VCPIP1: variants seen among roughly 807,000 people sequenced by gnomAD.
VCPIP1 encodes the protein valosin containing protein interacting protein 1, also known as deubiquitinating protein VCPIP1.
A neutral mutation model predicts 85.0 loss-of-function variants in VCPIP1; 8 were observed. That is an observed-to-expected ratio of 0.09 (90% CI 0.06 to 0.17). VCPIP1 has a LOEUF of 0.17. Ranked by LOEUF, VCPIP1 falls within the 10% of genes least tolerant of loss-of-function variation. VCPIP1 has a pLI of 1.00. For missense variants in VCPIP1, 1,070 were observed against 1,486.3 expected (o/e 0.72, Z 4.61); for synonymous variants, 543 against 544.5 (o/e 1.00, Z 0.04).
chr8:66,634,698 G>A lies in VCPIP1; in HGVS notation c.3472C>T (p.Pro1158Ser). The change falls in exon 3 of 3, where the codon CCT (proline) becomes TCT (serine). Residue 1158 changes from proline to serine, a missense_variant. Pro to Ser is a moderately conservative substitution (Grantham distance 74). Transcript: ENST00000310421. Reference protein sequence around the residue: ...AKSGSLQTGLPESFPLTGGTE... With the variant: ...AKSGSLQTGLSESFPLTGGTE... ...CCACCAGTTAAAGGAAAAGATTCAGGCAAACCAGTCTGAAGACTCCCAGAC... is the reference window on the plus strand; with the variant it reads ...CCACCAGTTAAAGGAAAAGATTCAGACAAACCAGTCTGAAGACTCCCAGAC... 1 of 1,614,108 alleles carries A rather than the reference G, an allele frequency of 6.2e-7. No homozygotes were observed. The highest frequency in any genetic ancestry group is 8.5e-7 in the Non-Finnish European group (1 of 1,180,010).
chr8:66,665,574 A>G lies in VCPIP1; in HGVS notation c.1385T>C (p.Met462Thr), dbSNP rs1391626260. ...CAAACATTTGTGAAGGCGATTATCC[A>G]TTACTGCTTTTTTAGCAGCTGCTGT... Reference protein sequence around the residue: ...EVTAAAKKAVMDNRLHKCLLC... With the variant: ...EVTAAAKKAVTDNRLHKCLLC... The change falls in exon 1 of 3, where the codon ATG becomes ACG. Residue 462 changes from methionine (M) to threonine (T), a missense_variant. Physicochemically the swap from Met to Thr is moderately conservative, Grantham distance 81. Transcript: ENST00000310421. The surrounding 1 kb of genome is among the most constrained non-coding windows in gnomAD (Gnocchi z 4.3). The G allele has an allele frequency of 1.9e-6, 3 of 1,614,186 alleles. No homozygotes were observed. The African/African-American group carries it at 4.0e-5, about 22-fold the overall frequency.
At chr8:66,640,859 A>G (rs1334038956) in intron 2 of VCPIP1, among the ~76,000 whole-genome samples, 1 of 152,018 alleles carries the variant, frequency 6.6e-6, no homozygotes, top group Non-Finnish European at 1.5e-5. Flanking sequence ...CCACCCTTCA[A>G]TTTGTTCGTG....
intron 2 of VCPIP1, among the ~76,000 whole-genome samples, chr8:66,644,295 A>G (rs1810973763): frequency 6.6e-6 from 1 of 152,222 alleles, no homozygotes; most frequent in Non-Finnish European, 1.5e-5. Flanking sequence ...AGAAAACTAG[A>G]TAATTATCCT....
At chr8:66,663,286 T>C (rs1230136021) in intron 1 of VCPIP1, among the ~76,000 whole-genome samples, 1 of 152,142 alleles carries the variant, frequency 6.6e-6, no homozygotes. Context: ...GTATTCATTT[T>C]GATAGATTAA....
At chr8:66,656,822 C>A (rs1319861211) in intron 1 of VCPIP1, among the ~76,000 whole-genome samples, 1 of 151,910 alleles carries the variant, frequency 6.6e-6, no homozygotes, top group Non-Finnish European at 1.5e-5. Context: ...GTTGGCCAGG[C>A]TGGTCTTGAA....
Position 66,664,269 on chromosome 8 carries a change from C to A in VCPIP1, c.2690G>T (p.Cys897Phe). 6.3e-7 allele frequency: 1 copy of A among 1,583,196 alleles called. No homozygotes were observed. Among genetic ancestry groups the A allele is most frequent in the Non-Finnish European group, 8.6e-7 (1 of 1,161,620 alleles). Reference sequence around the variant, plus strand: ...CTTACCCATTAATGTTGCTAAAAGACACAAGGAGTACATTTCTTTTTCAGC... The same window carrying A: ...CTTACCCATTAATGTTGCTAAAAGAAACAAGGAGTACATTTCTTTTTCAGC... ...EQAEKEMYSL[C>F]LLATLMGEDV... Residue 897 changes from cysteine to phenylalanine, a missense_variant, in exon 1 of 3, where the codon TGT becomes TTT. Physicochemically the swap from Cys to Phe is radical, Grantham distance 205. Coordinates refer to ENST00000310421, the MANE Select transcript of VCPIP1 (RefSeq NM_025054.5).
chr8:66,666,069 T>C lies in VCPIP1; in HGVS notation c.890A>G (p.Asn297Ser), dbSNP rs1196513549. ...CAGAATAATAGGACGATGTAGCACA[T>C]TGGCAAGACCAAATATGTGGATATT... ...LRNIHIFGLA[N>S]VLHRPIILLD... The change falls in exon 1 of 3, where the codon AAT becomes AGT. Residue 297 changes from asparagine to serine, a missense_variant. Physicochemically the swap from Asn to Ser is conservative, Grantham distance 46 (BLOSUM62 1). Coordinates refer to ENST00000310421, the MANE Select transcript of VCPIP1 (RefSeq NM_025054.5). The surrounding 1 kb of genome is among the most constrained non-coding windows in gnomAD (Gnocchi z 6.3). 6.2e-7 allele frequency: 1 copy of C among 1,614,132 alleles called. No homozygotes were observed. The highest frequency in any genetic ancestry group is 8.5e-7 in the Non-Finnish European group (1 of 1,180,042).
intron 2 of VCPIP1, among the ~76,000 whole-genome samples, chr8:66,638,970 C>CTATATATATATATATATATATATATATA (rs1554584185): frequency 8.4e-6 from 1 of 118,414 alleles, no homozygotes; most frequent in Admixed American, 8.6e-5. Flanking sequence ...CTCTCTCTCT[C>CTATATATATATATATATATATATATATA]TATATATATA....
chr8:66,657,844 T>C (rs1203825420), intron 1 of VCPIP1, among the ~76,000 whole-genome samples: 1 of 152,240 alleles, frequency 6.6e-6, no homozygotes, highest in African/African-American at 2.4e-5. Flanking sequence ...CTAGATTTCC[T>C]TTTCTATCTA....
rs1295335694 is a variant in VCPIP1, at chr8:66,635,049, G to A, written c.3121C>T (p.Leu1041Phe). The A allele has an allele frequency of 6.2e-7, 1 of 1,613,862 alleles. No individual in the cohort carries two copies. Among genetic ancestry groups the A allele is most frequent in the African/African-American group, 1.3e-5 (1 of 74,906 alleles). The change falls in exon 3 of 3, where the codon CTT (leucine) becomes TTT (phenylalanine). Residue 1041 changes from leucine to phenylalanine, a missense_variant. Leu to Phe is a conservative substitution (Grantham distance 22). Around this residue, in one of 8 missense-constraint regions of VCPIP1, gnomAD observed 255 missense variants for 289.5 expected, o/e 0.88. Transcript: ENST00000310421. ...SLGTASGNPH[L>F]DPRARETSVV... ...GAAGTTTCCCTAGCTCTTGGATCAA[G>A]GTGTGGGTTACCAGATGCAGTTCCT...
In VCPIP1 at chr8:66,634,887, T is replaced by C. The variant is rs1810869077; in HGVS notation, c.3283A>G (p.Arg1095Gly). 1 of 1,613,986 alleles carries C rather than the reference T, an allele frequency of 6.2e-7. No homozygotes were observed. Among genetic ancestry groups the C allele is most frequent in the Non-Finnish European group, 8.5e-7 (1 of 1,180,008 alleles). Residue 1095 changes from arginine to glycine, a missense_variant, in exon 3 of 3, where the codon AGG (arginine) becomes GGG (glycine). Physicochemically the swap from Arg to Gly is moderately radical, Grantham distance 125 (BLOSUM62 -2). This residue lies in a region of VCPIP1 where 255 missense variants were observed against 289.5 expected (regional missense o/e 0.88). Transcript: ENST00000310421. ...TCAACCAAATCAGGATCAAGCTGCC[T>C]GCCGTCTCTCATTGTTACTACTCCA... ...APGVVTMRDG[R>G]QLDPDLVEAQ...
intron 1 of VCPIP1, among the ~76,000 whole-genome samples, chr8:66,653,866 T>A (rs1206030015): frequency 6.6e-6 from 1 of 152,168 alleles, no homozygotes; most frequent in African/African-American, 2.4e-5. Context: ...TACATCTTAG[T>A]TTTATATATT....
intron 2 of VCPIP1, among the ~76,000 whole-genome samples, chr8:66,649,294 C>G (rs555663078): frequency 1.8e-4 from 27 of 151,804 alleles, no homozygotes; most frequent in Admixed American, 1.4e-3. Flanking sequence ...GAGGATTGCT[C>G]GAGCTCAAGA....
chr8:66,656,872 G>C (rs1335567766), intron 1 of VCPIP1, among the ~76,000 whole-genome samples: 11 of 141,814 alleles, frequency 7.8e-5, no homozygotes, highest in Non-Finnish European at 1.5e-4. Flanking sequence ...GCCTACCAAA[G>C]TAGGCCTGGG....
Position 66,666,826 on chromosome 8 carries a change from G to A in VCPIP1, c.133C>T (p.Leu45Phe), listed in dbSNP as rs768978996. The stretch of plus-strand genomic sequence containing the variant: ...TTCGGATCCGGGCAGCTCCCGGAAA[G>A]GATTCTCCGGTCTCTCCGCTTCAAA... Reference protein sequence around the residue: ...GLLKRRDRRILSGSCPDPKCQ... With the variant: ...GLLKRRDRRIFSGSCPDPKCQ... The change falls in exon 1 of 3, where the codon CTT becomes TTT. Residue 45 changes from leucine to phenylalanine, a missense_variant. Leu to Phe is a conservative substitution (Grantham distance 22). Coordinates refer to ENST00000310421, the MANE Select transcript of VCPIP1 (RefSeq NM_025054.5). This position sits in a 1 kb window ranked among gnomAD's most constrained non-coding sequence, Gnocchi z 6.3. The A allele has an allele frequency of 7.4e-6, 12 of 1,613,778 alleles. No homozygotes were observed. The highest frequency in any genetic ancestry group is 1.0e-5 in the Non-Finnish European group (12 of 1,180,014).
At chr8:66,638,937 T>C (rs1490172263) in intron 2 of VCPIP1, among the ~76,000 whole-genome samples, 1 of 117,894 alleles carries the variant, frequency 8.5e-6, no homozygotes, top group African/African-American at 3.8e-5. Flanking sequence ...AAGAAAACTT[T>C]CTCTCTCTCT....
chr8:66,658,861 T>C (rs1278152171), intron 1 of VCPIP1, among the ~76,000 whole-genome samples: 1 of 152,116 alleles, frequency 6.6e-6, no homozygotes, highest in Non-Finnish European at 1.5e-5. Context: ...ATTTTAAATA[T>C]ATATATACGT....
Position 66,665,978 on chromosome 8 carries a change from G to T in VCPIP1, c.981C>A (p.Ile327=). 1.2e-6 allele frequency: 2 copies of T among 1,614,180 alleles called. No homozygotes were observed. Among genetic ancestry groups the T allele is most frequent in the Non-Finnish European group, 1.7e-6 (2 of 1,180,030 alleles). ...DYSATFLPGL[I]PAEKCTGKDG... is the part of the protein sequence containing the mutation. Reference sequence around the variant, plus strand: ...CTTTCCCAGTGCACTTCTCTGCAGGGATGAGCCCAGGTAGAAAGGTGGCTG... The same window carrying T: ...CTTTCCCAGTGCACTTCTCTGCAGGTATGAGCCCAGGTAGAAAGGTGGCTG... The change falls in exon 1 of 3, where the codon ATC becomes ATA. Residue 327 remains isoleucine, a synonymous_variant. Coordinates refer to ENST00000310421, the MANE Select transcript of VCPIP1 (RefSeq NM_025054.5). This position sits in a 1 kb window ranked among gnomAD's most constrained non-coding sequence, Gnocchi z 4.3.
intron 2 of VCPIP1, among the ~76,000 whole-genome samples, chr8:66,637,765 C>T (rs2130147021): frequency 6.6e-6 from 1 of 151,760 alleles, no homozygotes; most frequent in East Asian, 2.0e-4. Context: ...GTCAGGAGAT[C>T]GAGACCATCC....
Sources: allele counts gnomAD v4.1 joint callset (sites outside exome capture counted in the v4.1 genomes callset), GRCh38; gene constraint gnomAD v4.1.1; regional missense constraint gnomAD v4.1.1; non-coding constraint Gnocchi (gnomAD v3.1); transcripts MANE v1.5; gene names NCBI Gene and HGNC (gene_info 2026-07-23, HGNC 2026-07-21).